GTF2IRD2B: variants seen among roughly 807,000 people sequenced by gnomAD.
The protein encoded by GTF2IRD2B is general transcription factor II-I repeat domain-containing protein 2B.
A neutral mutation model predicts 55.6 loss-of-function variants in GTF2IRD2B; 10 were observed. The ratio of observed to expected loss-of-function variants is 0.18; its 90% CI spans 0.11 to 0.31. GTF2IRD2B has a LOEUF of 0.31. Among genes scored for constraint, GTF2IRD2B ranks in the 10% least tolerant of loss-of-function variants. GTF2IRD2B has a pLI of 1.00. For synonymous variants in GTF2IRD2B, 107 were observed against 320.5 expected, an observed-to-expected ratio of 0.33 and a Z score of 7.12; for missense variants, 206 against 802.7, an observed-to-expected ratio of 0.26 and a Z score of 8.98.
rs782818057 is a variant in GTF2IRD2B, at chr7:75,148,896, A to C, written c.2449A>C (p.Ser817Arg). Residue 817 changes from serine (S) to arginine (R), a missense_variant, in exon 16 of 16, where the codon AGC becomes CGC. Transcript: ENST00000472837. Reference protein sequence around the residue: ...PTLKLVSRNESDGLNYIPKIA... With the variant: ...PTLKLVSRNERDGLNYIPKIA... ...CCTGAAATTGGTTTCCAGAAATGAA[A>C]GCGATGGCCTGAACTACATTCCCAA... 7 of 1,594,546 alleles carry C rather than the reference A, an allele frequency of 4.4e-6. No homozygotes were observed. The South Asian group carries it at 5.5e-5, about 13-fold the overall frequency.
rs1318805734 is a variant in GTF2IRD2B at position 75,122,987 on chromosome 7, T to A, written c.359-149T>A. 34 of 1,108,212 alleles carry A rather than the reference T, an allele frequency of 3.1e-5. No individual in the cohort carries two copies. In the African/African-American group the frequency reaches 4.1e-4, roughly 13 times the overall value. 68.6% of individuals were successfully genotyped at this position (1,108,212 alleles called of 1,614,324 possible). A position where few individuals can be genotyped will look rare whatever the true frequency, so the allele number is the denominator to read the frequency against. On this transcript the variant is annotated intron_variant, in intron 4 of 15. Coordinates refer to ENST00000472837, the MANE Select transcript of GTF2IRD2B (RefSeq NM_001003795.3). Reference sequence around the variant, plus strand: ...ATTGTTTGAACCCAGGAGGTGGAGGTTGCAGCGAGCCGAGATCTTGCCATT... The same window carrying A: ...ATTGTTTGAACCCAGGAGGTGGAGGATGCAGCGAGCCGAGATCTTGCCATT...
intron 1 of GTF2IRD2B, among the ~76,000 whole-genome samples, chr7:75,106,318 G>T (rs1383196913): frequency 6.6e-6 from 1 of 152,212 alleles, no homozygotes; most frequent in African/African-American, 2.4e-5. Context: ...CAGGAGAATC[G>T]CTTGAACCCG....
At position 75,127,130 on chromosome 7, in the gene GTF2IRD2B, T is replaced by TAA. The variant is rs782363099; in HGVS notation, c.670+746_670+747dup. 4.3e-4 allele frequency among the ~76,000 whole-genome samples: 65 copies of TAA among 151,300 alleles called. 1 individual carries two copies. The highest frequency in any genetic ancestry group is 8.3e-4 in the Non-Finnish European group (56 of 67,700). On this transcript the variant is annotated intron_variant, in intron 8 of 15. Coordinates refer to ENST00000472837, the MANE Select transcript of GTF2IRD2B (RefSeq NM_001003795.3). ...AATAAATAAAGACCAGGGCGTGAAT[T>TAA]AACCTCAGTGGAGCCTCATTTGCAG...
rs1285507216 is a variant in GTF2IRD2B at position 75,092,718 on chromosome 7, C to G, written c.-53C>G. 6.5e-6 allele frequency: 1 copy of G among 153,132 alleles called. No individual in the cohort carries two copies. Among genetic ancestry groups the G allele is most frequent in the African/African-American group, 2.4e-5 (1 of 41,464 alleles). The allele number at this position is 153,132 out of a possible 1,614,324, so 9.5% of individuals were successfully genotyped here. On this transcript the variant is annotated 5_prime_UTR_variant, in exon 1 of 16. Coordinates refer to ENST00000472837, the MANE Select transcript of GTF2IRD2B (RefSeq NM_001003795.3). ...CGGCCATCGGCTGCTCCCCGGTGGC[C>G]CAGGCCTCGGACTCCGCGGCCGGCC...
chr7:75,105,010 C>T (rs1333878718), intron 1 of GTF2IRD2B, among the ~76,000 whole-genome samples: 4 of 152,408 alleles, frequency 2.6e-5, no homozygotes, highest in Admixed American at 6.5e-5. Flanking sequence ...CCAGTCTGGG[C>T]AACATAGTGA....
Position 75,123,171 on chromosome 7 carries a change from C to G in GTF2IRD2B, c.394C>G (p.Pro132Ala), listed in dbSNP as rs1554452146. 1 of 1,536,038 alleles carries G rather than the reference C, an allele frequency of 6.5e-7. No individual in the cohort carries two copies. The highest frequency in any genetic ancestry group is 8.7e-7 in the Non-Finnish European group (1 of 1,143,766). ...ALGTTVMVPV[P>A]YEKMLRDQSA... is the part of the protein sequence containing the mutation. ...AGGGACAACAGTGATGGTGCCTGTT[C>G]CCTATGAGAAGATGCTGCGAGACCA... Residue 132 changes from proline (P) to alanine (A), a missense_variant, in exon 5 of 16, where the codon CCC (proline) becomes GCC (alanine). Pro to Ala is a conservative substitution (Grantham distance 27). Coordinates refer to ENST00000472837, the MANE Select transcript of GTF2IRD2B (RefSeq NM_001003795.3).
At chr7:75,104,035 C>G (rs1807676310) in intron 1 of GTF2IRD2B, among the ~76,000 whole-genome samples, 1 of 148,952 alleles carries the variant, frequency 6.7e-6, no homozygotes, top group South Asian at 2.1e-4. Context: ...GTCTGGGCGA[C>G]AGAGCGAGAC....
At chr7:75,121,532 C>T (rs1448301146) in intron 4 of GTF2IRD2B, among the ~76,000 whole-genome samples, 3 of 147,642 alleles carry the variant, frequency 2.0e-5, no homozygotes, top group African/African-American at 7.4e-5. Flanking sequence ...AATCTCAGCT[C>T]ACTGTAAACT....
intron 8 of GTF2IRD2B, among the ~76,000 whole-genome samples, chr7:75,127,030 A>C (rs1455121395): frequency 4.7e-5 from 7 of 148,696 alleles, no homozygotes; most frequent in African/African-American, 7.5e-5. Context: ...AAAACAAAAA[A>C]AACAAAAAAA....
chr7:75,149,519 T>G lies in GTF2IRD2B; in HGVS notation c.*222T>G. The G allele has an allele frequency of 3.6e-6, 2 of 548,114 alleles. No homozygotes were observed. Among genetic ancestry groups the G allele is most frequent in the South Asian group, 4.0e-5 (2 of 50,080 alleles). The allele number at this position is 548,114 out of a possible 1,614,324, so 34.0% of individuals were successfully genotyped here. A position where few individuals can be genotyped will look rare whatever the true frequency, so the allele number is the denominator to read the frequency against. Reference sequence around the variant, plus strand: ...CCTCAGCCTCCCGAGCAGCTGGGACTACAGGCATGCGCCACCATGCCCGGC... The same window carrying G: ...CCTCAGCCTCCCGAGCAGCTGGGACGACAGGCATGCGCCACCATGCCCGGC... On this transcript the variant is annotated 3_prime_UTR_variant, in exon 16 of 16. Coordinates refer to ENST00000472837, the MANE Select transcript of GTF2IRD2B (RefSeq NM_001003795.3).
chr7:75,121,783 CAG>C, intron 4 of GTF2IRD2B, among the ~76,000 whole-genome samples: 1 of 129,544 alleles, frequency 7.7e-6, no homozygotes, highest in Admixed American at 8.2e-5. Flanking sequence ...TTTTTTGAGG[CAG>C]AGTCTCGCTC....
chr7:75,106,508 C>T (rs1483752106), intron 1 of GTF2IRD2B, among the ~76,000 whole-genome samples: 6 of 142,148 alleles, frequency 4.2e-5, no homozygotes, highest in Non-Finnish European at 7.7e-5. Context: ...TGGTAGCTGA[C>T]AGGTACTTAA....
intron 3 of GTF2IRD2B, 29 bp from the exon 4 acceptor site, chr7:75,120,862 C>T: frequency 6.2e-7 from 1 of 1,605,828 alleles, no homozygotes; most frequent in Non-Finnish European, 8.5e-7. Context: ...TGCTTAGAAA[C>T]TGACCTAATG....
At chr7:75,145,731 C>CA (rs1239787118) in intron 15 of GTF2IRD2B, among the ~76,000 whole-genome samples, 100 of 83,704 alleles carry the variant, frequency 1.2e-3, no homozygotes, top group South Asian at 7.5e-3. Context: ...GACTCTGTCT[C>CA]AAAAAAAAAA....
At chr7:75,122,599 C>T (rs1554452069) in intron 4 of GTF2IRD2B, among the ~76,000 whole-genome samples, 1 of 108,284 alleles carries the variant, frequency 9.2e-6, no homozygotes. Context: ...AACTCCGTCT[C>T]TACTAAAACT....
At chr7:75,130,457 A>G in intron 8 of GTF2IRD2B, among the ~76,000 whole-genome samples, 1 of 135,610 alleles carries the variant, frequency 7.4e-6, no homozygotes, top group African/African-American at 2.9e-5. Flanking sequence ...AGGATTACAG[A>G]CATGAGCCAC....
intron 8 of GTF2IRD2B, among the ~76,000 whole-genome samples, chr7:75,132,789 G>A (rs1808708410): frequency 6.7e-6 from 1 of 148,926 alleles, no homozygotes; most frequent in East Asian, 1.9e-4. Flanking sequence ...CTGACCTCAA[G>A]TGATCTGCCC....
intron 3 of GTF2IRD2B, among the ~76,000 whole-genome samples, chr7:75,115,096 C>CTTT (rs60983909): frequency 3.5e-4 from 15 of 43,410 alleles, no homozygotes; most frequent in Admixed American, 3.2e-4. Flanking sequence ...TCGTGCCCAG[C>CTTT]TTTTTTTTTT....
Position 75,148,309 on chromosome 7 carries a change from C to T in GTF2IRD2B, c.1862C>T (p.Thr621Ile). The change falls in exon 16 of 16, where the codon ACC becomes ATC. Residue 621 changes from threonine (T) to isoleucine (I), a missense_variant. By Grantham distance (89) the Thr-to-Ile change is moderately conservative. Transcript: ENST00000472837. ...TTAGTAAGCGTGGCCTCCACTGGCACCCCAGCGATGGTGGATGCCAATAAC... is the reference window on the plus strand; with the variant it reads ...TTAGTAAGCGTGGCCTCCACTGGCATCCCAGCGATGGTGGATGCCAATAAC... Reference protein sequence around the residue: ...SRLVSVASTGTPAMVDANNGL... With the variant: ...SRLVSVASTGIPAMVDANNGL... 2 of 1,613,574 alleles carry T rather than the reference C, an allele frequency of 1.2e-6. No homozygotes were observed. Among genetic ancestry groups the T allele is most frequent in the Non-Finnish European group, 1.7e-6 (2 of 1,179,798 alleles).
Sources: gnomAD v4.1 joint callset for allele counts (sites outside exome capture counted in the v4.1 genomes callset) on GRCh38, gnomAD v4.1.1 for gene constraint, MANE v1.5 for transcripts, NCBI Gene and HGNC (gene_info 2026-07-23, HGNC 2026-07-21) for gene names.